Variants in PCDHA6 observed in about 807,000 individuals in gnomAD.
PCDHA6 encodes the protein protocadherin alpha 6.
In PCDHA6, 55 loss-of-function variants were observed where a neutral mutation model predicts 60.3. The observed-to-expected ratio is 0.91, with a 90% confidence interval of 0.73 to 1.14. The LOEUF is 1.14. Among genes scored for constraint, PCDHA6 ranks in the 50% most tolerant of loss-of-function variants. The pLI is 0.00. For missense variants in PCDHA6, 1,327 were observed against 1,256.5 expected (o/e 1.06, Z -0.85); for synonymous variants, 652 against 557.9 (o/e 1.17, Z -2.38).
chr5:140,853,275 T>C lies in PCDHA6; in HGVS notation c.2394+22790T>C, dbSNP rs144030935. On this transcript the variant is annotated intron_variant, in intron 1 of 3. Coordinates refer to ENST00000529310, the MANE Select transcript of PCDHA6 (RefSeq NM_018909.4). The stretch of plus-strand genomic sequence containing the variant: ...TTCTCTCTCAGAGTACAAGCTCTCA[T>C]CATATGCAAATTCTCAGAAGGGCTG... The C allele has an allele frequency of 8.2e-6, 8 of 978,484 alleles. No homozygotes were observed. The East Asian group carries it at 9.1e-4, about 111-fold the overall frequency. The allele number at this position is 978,484 out of a possible 1,614,324, so 60.6% of individuals were successfully genotyped here. A position where few individuals can be genotyped will look rare whatever the true frequency, so the allele number is the denominator to read the frequency against.
At chr5:140,943,624 G>C (rs2093534515) in intron 1 of PCDHA6, among the ~76,000 whole-genome samples, 2 of 152,106 alleles carry the variant, frequency 1.3e-5, no homozygotes, top group African/African-American at 4.8e-5. Context: ...ATCTGCATAA[G>C]GAAGCTGGAT....
At chr5:140,974,827 G>T (rs1356890991) in intron 1 of PCDHA6, among the ~76,000 whole-genome samples, 1 of 152,182 alleles carries the variant, frequency 6.6e-6, no homozygotes. Context: ...GCAACATAAT[G>T]ATTATTTTAA....
At chr5:140,900,139 G>A (rs985320509) in intron 1 of PCDHA6, among the ~76,000 whole-genome samples, 2 of 152,156 alleles carry the variant, frequency 1.3e-5, no homozygotes, top group East Asian at 3.9e-4. Context: ...CCACAAATAA[G>A]TAAGAACATA....
At chr5:140,969,459 G>A (rs1554231863) in intron 1 of PCDHA6, 1 of 1,503,404 alleles carries the variant, frequency 6.7e-7, no homozygotes, top group Non-Finnish European at 8.9e-7. Flanking sequence ...AGTATATATA[G>A]TATCCACAAT....
At chr5:141,006,390 T>G (rs539931677) in intron 3 of PCDHA6, among the ~76,000 whole-genome samples, 149 of 152,058 alleles carry the variant, frequency 9.8e-4, no homozygotes, top group African/African-American at 3.0e-3. Context: ...TTTTTTCTAT[T>G]TTTTAGTAGA....
intron 1 of PCDHA6, among the ~76,000 whole-genome samples, chr5:140,978,620 G>A (rs2096812690): frequency 6.6e-6 from 1 of 152,220 alleles, no homozygotes; most frequent in South Asian, 2.1e-4. Context: ...AGCAGTGAAA[G>A]CTTTTCCTTT....
chr5:140,850,235 G>C (rs2041450021), intron 1 of PCDHA6: 1 of 1,593,876 alleles, frequency 6.3e-7, no homozygotes, highest in African/African-American at 1.3e-5. Flanking sequence ...TGAGCGAGAT[G>C]GTGCTGCGGT....
intron 1 of PCDHA6, chr5:140,929,420 C>A: frequency 6.7e-7 from 1 of 1,502,700 alleles, no homozygotes; most frequent in Non-Finnish European, 8.9e-7. Context: ...CACAACATTT[C>A]ATCAATTGAA....
intron 1 of PCDHA6, among the ~76,000 whole-genome samples, chr5:140,844,310 T>G (rs1779318452): frequency 6.7e-6 from 1 of 149,666 alleles, no homozygotes. Context: ...TTTCATATTC[T>G]TCCTAATTTT....
At chr5:140,928,381 T>C (rs1554205835) in intron 1 of PCDHA6, 2 of 1,614,054 alleles carry the variant, frequency 1.2e-6, no homozygotes, top group African/African-American at 2.7e-5. Flanking sequence ...AGCCTCTAGC[T>C]TGCTGGCAGT....
chr5:140,984,712 G>A (rs2097116348), intron 3 of PCDHA6, among the ~76,000 whole-genome samples: 1 of 152,096 alleles, frequency 6.6e-6, no homozygotes, highest in Non-Finnish European at 1.5e-5. Context: ...AGGGAATATG[G>A]CATAAAGATT....
At chr5:140,845,315 ATTACT>A (rs1156413358) in intron 1 of PCDHA6, among the ~76,000 whole-genome samples, 1 of 149,596 alleles carries the variant, frequency 6.7e-6, no homozygotes, top group Non-Finnish European at 1.5e-5. Context: ...GTTCTCAGGT[ATTACT>A]TTAATTACTG....
At chr5:140,831,422 C>A (rs1252502476) in intron 1 of PCDHA6, among the ~76,000 whole-genome samples, 1 of 151,184 alleles carries the variant, frequency 6.6e-6, no homozygotes, top group East Asian at 1.9e-4. Context: ...TACAGTGGTG[C>A]AATAATGGCT....
chr5:140,954,673 CTT>C (rs1173553071), intron 1 of PCDHA6, among the ~76,000 whole-genome samples: 2 of 152,076 alleles, frequency 1.3e-5, no homozygotes, highest in South Asian at 4.1e-4. Flanking sequence ...GGATATTAGA[CTT>C]TTGTCAGATG....
intron 1 of PCDHA6, among the ~76,000 whole-genome samples, chr5:140,903,665 G>A (rs2070490056): frequency 6.6e-6 from 1 of 152,156 alleles, no homozygotes; most frequent in African/African-American, 2.4e-5. Context: ...AAATTTAACT[G>A]ATATAAAAGA....
At chr5:140,897,874 T>C (rs541496059) in intron 1 of PCDHA6, among the ~76,000 whole-genome samples, 2,161 of 152,206 alleles carry the variant, frequency 0.014, 44 homozygotes, top group African/African-American at 0.049. Context: ...TTTTAATGAT[T>C]GCCATTCTAA....
At chr5:141,005,093 G>A (rs1441843884) in intron 3 of PCDHA6, among the ~76,000 whole-genome samples, 1 of 152,172 alleles carries the variant, frequency 6.6e-6, no homozygotes, top group East Asian at 1.9e-4. Flanking sequence ...TACTTTACAT[G>A]CATTACATCA....
chr5:140,875,438 T>A, intron 1 of PCDHA6: 1 of 1,568,134 alleles, frequency 6.4e-7, no homozygotes, highest in Non-Finnish European at 8.6e-7. Flanking sequence ...CCCTTAAAAC[T>A]GATTGTCCCA....
chr5:140,849,764 G>A, intron 1 of PCDHA6: 1 of 1,598,518 alleles, frequency 6.3e-7, no homozygotes, highest in South Asian at 1.1e-5. Context: ...CCTACGAGCT[G>A]GTGGTTACCG....
Sources: allele counts gnomAD v4.1 joint callset (sites outside exome capture counted in the v4.1 genomes callset), GRCh38; gene constraint gnomAD v4.1.1; transcripts MANE v1.5; gene names NCBI Gene and HGNC (gene_info 2026-07-23, HGNC 2026-07-21).